CPEB4: variants seen among roughly 807,000 people sequenced by gnomAD.
CPEB4 encodes cytoplasmic polyadenylation element-binding protein 4.
Under a neutral mutation model 72.5 loss-of-function variants are expected in CPEB4, and 12 were observed. That is an observed-to-expected ratio of 0.17 (90% confidence interval 0.11 to 0.27). CPEB4 has a LOEUF of 0.27. Ranked by LOEUF, CPEB4 falls within the 10% of genes least tolerant of loss-of-function variation. The probability of loss-of-function intolerance (pLI) is 1.00; values close to 1 mark genes in which losing one functional copy is unlikely to be tolerated. For missense variants in CPEB4, 614 were observed against 908.5 expected, an observed-to-expected ratio of 0.68 and a Z score of 4.17; for synonymous variants, 302 against 326.3, an observed-to-expected ratio of 0.93 and a Z score of 0.80.
chr5:173,924,924 T>C, intron 2 of CPEB4, among the ~76,000 whole-genome samples: 1 of 152,254 alleles, frequency 6.6e-6, no homozygotes, highest in South Asian at 2.1e-4. Flanking sequence ...AATGTAAATA[T>C]GGTGTAATAA....
chr5:173,933,867 C>G (rs1171161231), intron 3 of CPEB4, among the ~76,000 whole-genome samples: 1 of 152,136 alleles, frequency 6.6e-6, no homozygotes, highest in African/African-American at 2.4e-5. Flanking sequence ...AAAATAAACT[C>G]TCTCTAGTGG....
intron 2 of CPEB4, among the ~76,000 whole-genome samples, chr5:173,921,399 A>G (rs774721875): frequency 1.3e-5 from 2 of 152,222 alleles, no homozygotes; most frequent in Non-Finnish European, 2.9e-5. Context: ...ACAAAAAAGA[A>G]CATAACATAA....
At chr5:173,906,852 C>T (rs1201068799) in intron 1 of CPEB4, among the ~76,000 whole-genome samples, 1 of 152,136 alleles carries the variant, frequency 6.6e-6, no homozygotes. Context: ...ATGTACTTTA[C>T]CAGTTAGAAG....
rs766208102 is a variant in CPEB4 at position 173,943,012 on chromosome 5, C to T, written c.1259-14C>T. ...TGTTTTTTTGTTTTTGTTTTTTTCT[C>T]ATTTGACATGCAGCAAGGACATATG... On this transcript the variant is annotated splice_polypyrimidine_tract_variant and intron_variant, in intron 3 of 9. Coordinates refer to ENST00000265085, the MANE Select transcript of CPEB4 (RefSeq NM_030627.4). 4 of 1,605,364 alleles carry T rather than the reference C, an allele frequency of 2.5e-6. No individual in the cohort carries two copies. Among genetic ancestry groups the T allele is most frequent in the South Asian group, 2.2e-5 (2 of 89,348 alleles).
In CPEB4 at chr5:173,897,869, A is replaced by G. The variant is rs1330377697; in HGVS notation, c.1125+7011A>G. Among the ~76,000 whole-genome samples the G allele has an allele frequency of 3.5e-5, 5 of 141,562 alleles. No individual in the cohort carries two copies. In the East Asian group the frequency reaches 9.7e-4, roughly 28 times the overall value. 92.9% of individuals were successfully genotyped at this position (141,562 alleles called of 152,430 possible). On this transcript the variant is annotated intron_variant, in intron 1 of 9. Transcript: ENST00000265085. ...CACTCGTATAAGTTACCGTATGTTT[A>G]TATATAACATGTGCTGATTTACATT... is the stretch of plus-strand genomic sequence containing the variant.
intron 2 of CPEB4, among the ~76,000 whole-genome samples, chr5:173,931,151 G>A (rs6864691): frequency 0.4 from 61,435 of 151,984 alleles, 12,708 homozygotes; most frequent in South Asian, 0.52. Context: ...CAAAGAAGCA[G>A]CATTTTAAAA....
intron 3 of CPEB4, among the ~76,000 whole-genome samples, chr5:173,940,644 A>C (rs1374106582): frequency 2.0e-5 from 3 of 152,182 alleles, no homozygotes; most frequent in Non-Finnish European, 4.4e-5. Flanking sequence ...ATTTTTGTGT[A>C]TATGTCATAT....
intron 1 of CPEB4, among the ~76,000 whole-genome samples, chr5:173,896,434 A>G (rs1756015562): frequency 6.6e-6 from 1 of 152,244 alleles, no homozygotes; most frequent in Admixed American, 6.5e-5. Flanking sequence ...TTATTGAAAC[A>G]GAATGAGTTC....
Position 173,959,454 on chromosome 5 carries a change from T to G in CPEB4, c.*3317T>G, listed in dbSNP as rs1373849310. The G allele has an allele frequency of 6.5e-6, 1 of 152,786 alleles. No individual in the cohort carries two copies. Among genetic ancestry groups the G allele is most frequent in the African/African-American group, 2.4e-5 (1 of 41,458 alleles). The allele number at this position is 152,786 out of a possible 1,614,324, so 9.5% of individuals were successfully genotyped here. A position where few individuals can be genotyped will look rare whatever the true frequency, so the allele number is the denominator to read the frequency against. ...GACTTGATAATTCACCCCTTTTGTT[T>G]TGAAGAGTTGAATCTTCTGTTAAAA... On this transcript the variant is annotated 3_prime_UTR_variant, in exon 10 of 10. Coordinates refer to ENST00000265085, the MANE Select transcript of CPEB4 (RefSeq NM_030627.4).
At chr5:173,931,416 C>T (rs1413286786) in intron 2 of CPEB4, among the ~76,000 whole-genome samples, 2 of 152,096 alleles carry the variant, frequency 1.3e-5, no homozygotes, top group Non-Finnish European at 2.9e-5. Flanking sequence ...TTTGTAGTTC[C>T]GAGTCACTTT....
intron 2 of CPEB4, among the ~76,000 whole-genome samples, chr5:173,925,621 A>G (rs1757215815): frequency 6.6e-6 from 1 of 152,218 alleles, no homozygotes; most frequent in Admixed American, 6.5e-5. Flanking sequence ...CAGTGGATTT[A>G]TTACACATTT....
chr5:173,908,881 C>T (rs1358655746), intron 1 of CPEB4, among the ~76,000 whole-genome samples: 1 of 151,904 alleles, frequency 6.6e-6, no homozygotes, highest in Non-Finnish European at 1.5e-5. Context: ...TTGCAGATTC[C>T]TTTGGGATCC....
chr5:173,960,639 AAC>A lies in CPEB4; in HGVS notation c.*4504_*4505del, dbSNP rs1758520049. 1 of 152,200 alleles carries A rather than the reference AAC, an allele frequency of 6.6e-6. No individual in the cohort carries two copies. The highest frequency in any genetic ancestry group is 2.4e-5 in the African/African-American group (1 of 41,448). 9.4% of individuals were successfully genotyped at this position (152,200 alleles called of 1,614,324 possible). A position where few individuals can be genotyped will look rare whatever the true frequency, so the allele number is the denominator to read the frequency against. ...GTTATCAGTTGAAGGCCAAATGCCC[AAC>A]AAAAGTGAAAAACCCAATGTTTAGT... On this transcript the variant is annotated 3_prime_UTR_variant, in exon 10 of 10. Coordinates refer to ENST00000265085, the MANE Select transcript of CPEB4 (RefSeq NM_030627.4).
chr5:173,893,860 C>A (rs557513624), intron 1 of CPEB4, among the ~76,000 whole-genome samples: 1 of 152,142 alleles, frequency 6.6e-6, no homozygotes, highest in South Asian at 2.1e-4. Flanking sequence ...CATAATCCTC[C>A]CCCCCAATAA....
intron 1 of CPEB4, among the ~76,000 whole-genome samples, chr5:173,901,496 C>T (rs909533812): frequency 3.3e-5 from 5 of 152,196 alleles, no homozygotes; most frequent in African/African-American, 9.6e-5. Flanking sequence ...ATCTCTGATG[C>T]TCGTTGTCTT....
intron 5 of CPEB4, among the ~76,000 whole-genome samples, chr5:173,945,676 A>G (rs1350235954): frequency 3.9e-5 from 6 of 152,276 alleles, no homozygotes; most frequent in Non-Finnish European, 8.8e-5. Flanking sequence ...GCCCATAAAC[A>G]ATGTATAAAT....
Position 173,950,010 on chromosome 5 carries a change from G to T in CPEB4, c.1597G>T (p.Asp533Tyr), listed in dbSNP as rs1314522318. 1.2e-6 allele frequency: 2 copies of T among 1,612,322 alleles called. No individual in the cohort carries two copies. Among genetic ancestry groups the T allele is most frequent in the South Asian group, 1.1e-5 (1 of 90,786 alleles). The change falls in exon 7 of 10, where the codon GAT becomes TAT. Residue 533 changes from aspartate to tyrosine, a missense_variant. This residue lies in a region of CPEB4 where 23 missense variants were observed against 21.8 expected (regional missense o/e 1.05). Transcript: ENST00000265085. The surrounding 1 kb of genome is among the most constrained non-coding windows in gnomAD (Gnocchi z 5.0). ...QDESSVQALI[D>Y]ACIEEDGKLY... Reference sequence around the variant, plus strand: ...TGAAAGCTCTGTGCAGGCTCTCATTGATGCATGCATTGAAGAAGATGGAAA... The same window carrying T: ...TGAAAGCTCTGTGCAGGCTCTCATTTATGCATGCATTGAAGAAGATGGAAA...
chr5:173,949,831 G>C, intron 6 of CPEB4, 129 bp from the exon 7 acceptor site: 1 of 762,570 alleles, frequency 1.3e-6, no homozygotes, highest in South Asian at 1.6e-5. Flanking sequence ...CAGACTTTTG[G>C]TATAAATATT....
chr5:173,932,589 C>G, intron 3 of CPEB4, 89 bp downstream of exon 3: 1 of 967,054 alleles, frequency 1.0e-6, no homozygotes. Flanking sequence ...TTAGTTTGTT[C>G]TGTAATGATA....
Sources: allele counts gnomAD v4.1 joint callset (sites outside exome capture counted in the v4.1 genomes callset), GRCh38; gene constraint gnomAD v4.1.1; regional missense constraint gnomAD v4.1.1; non-coding constraint Gnocchi (gnomAD v3.1); transcripts MANE v1.5; gene names NCBI Gene and HGNC (gene_info 2026-07-23, HGNC 2026-07-21).